PTPRC: variants seen among roughly 807,000 people sequenced by gnomAD.
The protein encoded by PTPRC is receptor-type tyrosine-protein phosphatase C.
In PTPRC, 44 loss-of-function variants were observed where a neutral mutation model predicts 155.9. The observed-to-expected ratio is 0.28, with a 90% CI of 0.22 to 0.36. The LOEUF is 0.36. Ranked by LOEUF, PTPRC falls within the 10% of genes least tolerant of loss-of-function variation. PTPRC has a pLI of 1.00. For missense variants in PTPRC, 1,401 were observed against 1,564.6 expected (o/e 0.90, Z 1.76); for synonymous variants, 525 against 533.1 (o/e 0.98, Z 0.21).
chr1:198,682,960 T>C (rs1453131512), intron 2 of PTPRC, among the ~76,000 whole-genome samples: 1 of 152,226 alleles, frequency 6.6e-6, no homozygotes, highest in African/African-American at 2.4e-5. Flanking sequence ...GAGTCCCTAA[T>C]AGCTCTTTAG....
Position 198,696,918 on chromosome 1 carries a change from A to C in PTPRC, c.298+9A>C. ...TGCTTTTAATACCACAGGTTGGCACACAAAAGTTGTTAACTTAAATATCAG... is the reference window on the plus strand; with the variant it reads ...TGCTTTTAATACCACAGGTTGGCACCCAAAAGTTGTTAACTTAAATATCAG... On this transcript the variant is annotated intron_variant, in intron 4 of 32. Coordinates refer to ENST00000442510, the MANE Select transcript of PTPRC (RefSeq NM_002838.5). 1 of 1,607,662 alleles carries C rather than the reference A, an allele frequency of 6.2e-7. No individual in the cohort carries two copies. The highest frequency in any genetic ancestry group is 8.5e-7 in the Non-Finnish European group (1 of 1,174,074).
At chr1:198,638,815 G>A (rs1332437635), upstream of PTPRC, 3 of 157,012 alleles carry the variant, frequency 1.9e-5, no homozygotes, top group African/African-American at 7.3e-5. Context: ...ATTTTGTGGG[G>A]ATTTAATTTA....
At chr1:198,685,848 A>T (rs1557996272) in intron 2 of PTPRC, among the ~76,000 whole-genome samples, 1 of 152,052 alleles carries the variant, frequency 6.6e-6, no homozygotes, top group Non-Finnish European at 1.5e-5. Context: ...GAGAATAAGT[A>T]TTTATTTAAT....
At chr1:198,642,370 G>A (rs12723143) in intron 2 of PTPRC, among the ~76,000 whole-genome samples, 53,941 of 150,500 alleles carry the variant, frequency 0.36, 10,119 homozygotes, top group East Asian at 0.67. Flanking sequence ...CTATCTATCT[G>A]TCTATCTATC....
intron 8 of PTPRC, 132 bp from the exon 9 acceptor site, chr1:198,706,602 G>T (rs561490372): frequency 5.6e-6 from 5 of 886,994 alleles, no homozygotes; most frequent in Non-Finnish European, 8.6e-6. Flanking sequence ...TGATATGGAG[G>T]CACCTAATGT....
At chr1:198,639,016 G>T, upstream of PTPRC, 1 of 471,506 alleles carries the variant, frequency 2.1e-6, no homozygotes, top group Non-Finnish European at 3.8e-6. Flanking sequence ...CAGTATTTTT[G>T]GAGAAGTTAG....
intron 11 of PTPRC, among the ~76,000 whole-genome samples, chr1:198,710,891 G>A (rs1376733744): frequency 6.6e-5 from 10 of 152,234 alleles, no homozygotes; most frequent in Admixed American, 3.3e-4. Flanking sequence ...GTCTCGCTCT[G>A]TTGCCCAGGC....
chr1:198,649,631 G>A (rs987128346), intron 2 of PTPRC, among the ~76,000 whole-genome samples: 2 of 151,728 alleles, frequency 1.3e-5, no homozygotes, highest in African/African-American at 2.4e-5. Flanking sequence ...AATTGGGGAA[G>A]AATTACCTTC....
At chr1:198,718,798 A>G (rs1195557162) in intron 14 of PTPRC, among the ~76,000 whole-genome samples, 2 of 152,166 alleles carry the variant, frequency 1.3e-5, no homozygotes, top group East Asian at 3.8e-4. Flanking sequence ...GTAACTTCAT[A>G]ATATACACAT....
intron 25 of PTPRC, 51 bp downstream of exon 25, chr1:198,742,418 A>G: frequency 6.3e-7 from 1 of 1,595,316 alleles, no homozygotes; most frequent in Non-Finnish European, 8.6e-7. Context: ...TTGGACTTAA[A>G]TCTTTTCCAA....
At chr1:198,651,472 T>C (rs2102215087) in intron 2 of PTPRC, among the ~76,000 whole-genome samples, 1 of 151,900 alleles carries the variant, frequency 6.6e-6, no homozygotes. Flanking sequence ...ATATAAATCC[T>C]TTTGTCAGTG....
chr1:198,641,609 C>T (rs562712952), intron 2 of PTPRC, among the ~76,000 whole-genome samples: 3 of 152,150 alleles, frequency 2.0e-5, no homozygotes, highest in African/African-American at 7.2e-5. Context: ...TGCTCTGTGC[C>T]TCTTTGCCAT....
chr1:198,728,475 T>A, intron 16 of PTPRC, 27 bp downstream of exon 16: 1 of 1,608,138 alleles, frequency 6.2e-7, no homozygotes, highest in Non-Finnish European at 8.5e-7. Context: ...AATTTTTAAA[T>A]AATAATGGTA....
intron 2 of PTPRC, among the ~76,000 whole-genome samples, chr1:198,641,387 T>C (rs1232310600): frequency 6.6e-6 from 1 of 152,020 alleles, no homozygotes; most frequent in East Asian, 1.9e-4. Context: ...CTACAGGAAA[T>C]AATAAACTTT....
intron 23 of PTPRC, among the ~76,000 whole-genome samples, chr1:198,738,609 C>G (rs1406703334): frequency 6.6e-6 from 1 of 151,348 alleles, no homozygotes; most frequent in African/African-American, 2.4e-5. Context: ...CGGTAGTTTT[C>G]TTTTTTTTGA....
chr1:198,748,250 T>C (rs1276896741), intron 27 of PTPRC, 51 bp downstream of exon 27: 6 of 1,552,668 alleles, frequency 3.9e-6, no homozygotes, highest in South Asian at 2.4e-5. Flanking sequence ...TAAGCTCTTT[T>C]GGATTTGTTT....
chr1:198,652,516 C>T (rs1663307722), intron 2 of PTPRC, among the ~76,000 whole-genome samples: 1 of 151,418 alleles, frequency 6.6e-6, no homozygotes, highest in Non-Finnish European at 1.5e-5. Context: ...GCCTAGCAAA[C>T]CTAAGTAATC....
intron 4 of PTPRC, among the ~76,000 whole-genome samples, chr1:198,697,953 G>A (rs1666284337): frequency 6.6e-6 from 1 of 152,162 alleles, no homozygotes; most frequent in South Asian, 2.1e-4. Context: ...CACCATAGCA[G>A]AGTAGTAACT....
Position 198,699,658 on chromosome 1 carries a change from C to A in PTPRC, c.393C>A (p.Ala131=). 1 of 1,614,192 alleles carries A rather than the reference C, an allele frequency of 6.2e-7. No homozygotes were observed. Among genetic ancestry groups the A allele is most frequent in the East Asian group, 2.2e-5 (1 of 44,880 alleles). Residue 131 remains alanine, a synonymous_variant, in exon 5 of 33, where the codon GCC becomes GCA. Transcript: ENST00000442510. ...GTDTQTFSGS[A]ANAKLNPTPG... ...ACACGCAGACATTCAGCGGCTCCGCCGCCAATGCAAAACTCAACCCTACCC... is the reference window on the plus strand; with the variant it reads ...ACACGCAGACATTCAGCGGCTCCGCAGCCAATGCAAAACTCAACCCTACCC...
Sources: allele counts gnomAD v4.1 joint callset (sites outside exome capture counted in the v4.1 genomes callset), GRCh38; gene constraint gnomAD v4.1.1; transcripts MANE v1.5; gene names NCBI Gene and HGNC (gene_info 2026-07-23, HGNC 2026-07-21).